Variants in LDHB observed in about 807,000 individuals in gnomAD.
LDHB encodes L-lactate dehydrogenase B chain.
A neutral mutation model predicts 33.4 loss-of-function variants in LDHB; 18 were observed. That is an observed-to-expected ratio of 0.54 (90% CI 0.37 to 0.80). The LOEUF is 0.80. Ranked by LOEUF, LDHB falls within the 30% of genes least tolerant of loss-of-function variation. The pLI is 0.00. For synonymous variants in LDHB, 121 were observed against 140.6 expected (o/e 0.86, Z 0.98); for missense variants, 345 against 407.9 (o/e 0.85, Z 1.33).
Position 21,635,555 on chromosome 12 carries a change from A to AG in LDHB, c.991dup (p.Leu331ProfsTer10). 6.2e-7 allele frequency: 1 copy of AG among 1,611,952 alleles called. No homozygotes were observed. Among genetic ancestry groups the AG allele is most frequent in the South Asian group, 1.1e-5 (1 of 90,994 alleles). On this transcript the variant is annotated frameshift_variant, in exon 8 of 8. Coordinates refer to ENST00000350669, the MANE Select transcript of LDHB (RefSeq NM_002300.8). LOFTEE classifies it high-confidence loss of function. The stretch of plus-strand genomic sequence containing the variant: ...AGAGCTCACTAGTCACAGGTCTTTT[A>AG]GGTCCTTCTGGATGTCCCACAGGGT...
intron 2 of LDHB, among the ~76,000 whole-genome samples, chr12:21,649,356 C>T (rs942926027): frequency 6.6e-5 from 10 of 152,202 alleles, no homozygotes; most frequent in African/African-American, 9.7e-5. Context: ...TAGCTGCATC[C>T]GCAGCACTGA....
chr12:21,656,118 T>C (rs4762716), intron 1 of LDHB, among the ~76,000 whole-genome samples: 143,916 of 152,296 alleles, frequency 0.94, 68,503 homozygotes, highest in East Asian at 1. Context: ...AAGCAATAAG[T>C]CTAGTCTATT....
At chr12:21,647,780 T>G (rs1376950552) in intron 2 of LDHB, among the ~76,000 whole-genome samples, 4 of 16,434 alleles carry the variant, frequency 2.4e-4, no homozygotes, top group Non-Finnish European at 9.3e-4. Context: ...CACTGCAATC[T>G]CCACCTCCCG....
chr12:21,648,002 A>T (rs967290145), intron 2 of LDHB, among the ~76,000 whole-genome samples: 4 of 147,552 alleles, frequency 2.7e-5, no homozygotes, highest in Admixed American at 6.9e-5. Flanking sequence ...ATAATTTTTT[A>T]AATTTTCTCA....
chr12:21,656,937 T>C (rs1629683), intron 1 of LDHB: 143,275 of 152,122 alleles, frequency 0.94, 68,039 homozygotes, highest in East Asian at 1. Flanking sequence ...TTTTAAAAAT[T>C]CAGGTTTTGC....
chr12:21,639,135 A>G (rs1461909229), intron 5 of LDHB, among the ~76,000 whole-genome samples: 1 of 151,922 alleles, frequency 6.6e-6, no homozygotes. Flanking sequence ...AGCTATTTAA[A>G]GCCAAATAAG....
chr12:21,644,750 G>C (rs907806698), intron 3 of LDHB, among the ~76,000 whole-genome samples: 2 of 152,060 alleles, frequency 1.3e-5, no homozygotes, highest in Non-Finnish European at 2.9e-5. Flanking sequence ...TTTGATGATT[G>C]GTAATACTTT....
At chr12:21,645,690 C>T (rs548700115) in intron 3 of LDHB, among the ~76,000 whole-genome samples, 14 of 152,286 alleles carry the variant, frequency 9.2e-5, no homozygotes, top group Non-Finnish European at 1.8e-4. Flanking sequence ...TGCTGACCTT[C>T]TCTCCACTAT....
At chr12:21,648,064 T>C (rs1938577996) in intron 2 of LDHB, among the ~76,000 whole-genome samples, 1 of 152,184 alleles carries the variant, frequency 6.6e-6, no homozygotes, top group Admixed American at 6.5e-5. Context: ...TTGGTCTACA[T>C]GCATCTAAGC....
chr12:21,639,422 C>T (rs1163418203), intron 5 of LDHB, among the ~76,000 whole-genome samples: 2 of 151,922 alleles, frequency 1.3e-5, no homozygotes, highest in African/African-American at 4.8e-5. Context: ...ATAGCTACTT[C>T]ACCTACTTTG....
intron 2 of LDHB, among the ~76,000 whole-genome samples, chr12:21,650,123 C>T (rs1172039466): frequency 2.1e-5 from 3 of 145,210 alleles, no homozygotes; most frequent in African/African-American, 7.9e-5. Context: ...CACACACACA[C>T]ACACACACAC....
chr12:21,655,516 A>C (rs1226335183), intron 1 of LDHB, among the ~76,000 whole-genome samples: 1 of 152,374 alleles, frequency 6.6e-6, no homozygotes, highest in African/African-American at 2.4e-5. Context: ...CATAGAATGC[A>C]TACTTAATAC....
rs1315267510 is a variant in LDHB, at chr12:21,644,079, C to T, written c.277G>A (p.Val93Ile). The T allele has an allele frequency of 3.1e-6, 5 of 1,613,322 alleles. No individual in the cohort carries two copies. The highest frequency in any genetic ancestry group is 1.3e-5 in the African/African-American group (1 of 74,880). ...DYSVTANSKI[V>I]VVTAGVRQQE... ...TGACGGACTCCTGCAGTTACCACTA[C>T]AATCTTAGAATTGGCAGTCACAGAA... Residue 93 changes from valine to isoleucine, a missense_variant, in exon 4 of 8, where the codon GTA becomes ATA. Physicochemically the swap from Val to Ile is conservative, Grantham distance 29 (BLOSUM62 3). Transcript: ENST00000350669.
intron 2 of LDHB, among the ~76,000 whole-genome samples, chr12:21,648,360 C>T (rs1040833762): frequency 2.0e-5 from 3 of 152,084 alleles, no homozygotes; most frequent in Non-Finnish European, 4.4e-5. Context: ...CAGTATTCAC[C>T]GGATGCAAAA....
intron 2 of LDHB, among the ~76,000 whole-genome samples, chr12:21,649,272 T>C (rs1358941312): frequency 6.6e-6 from 1 of 152,184 alleles, no homozygotes; most frequent in Non-Finnish European, 1.5e-5. Context: ...GAGAATTGCC[T>C]GAGAAGTGCA....
At position 21,637,207 on chromosome 12, in the gene LDHB, A is replaced by G; in HGVS notation, c.714-13T>C. ...GACTTCATAGGCACTTAAAAAAATT[A>G]TAAAAGACATCACTGAAATAAGACT... On this transcript the variant is annotated splice_polypyrimidine_tract_variant and intron_variant, in intron 6 of 7. Transcript: ENST00000350669. 2 of 1,577,130 alleles carry G rather than the reference A, an allele frequency of 1.3e-6. No individual in the cohort carries two copies. The highest frequency in any genetic ancestry group is 1.7e-6 in the Non-Finnish European group (2 of 1,149,554).
chr12:21,649,661 C>G (rs1196783030), intron 2 of LDHB, among the ~76,000 whole-genome samples: 1 of 95,774 alleles, frequency 1.0e-5, no homozygotes, highest in Admixed American at 1.4e-4. Flanking sequence ...TTACTCTACT[C>G]CTGTGACAGA....
intron 4 of LDHB, among the ~76,000 whole-genome samples, chr12:21,643,110 G>C (rs1045195438): frequency 6.6e-6 from 1 of 152,202 alleles, no homozygotes; most frequent in African/African-American, 2.4e-5. Context: ...GTTTGCAGAA[G>C]TAAAAATATG....
chr12:21,656,098 G>A lies in LDHB; in HGVS notation c.-6-1421C>T, dbSNP rs527367927. ...CCAGTCTAGTTTTTAATTCTAATCTGCAATGGACTAAGCAATAAGTCTAGT... is the reference window on the plus strand; with the variant it reads ...CCAGTCTAGTTTTTAATTCTAATCTACAATGGACTAAGCAATAAGTCTAGT... On this transcript the variant is annotated intron_variant, in intron 1 of 7. Transcript: ENST00000350669. Among the ~76,000 whole-genome samples the A allele has an allele frequency of 3.3e-5, 5 of 152,240 alleles. No homozygotes were observed. The South Asian group carries it at 1.0e-3, about 32-fold the overall frequency.
Sources: allele counts gnomAD v4.1 joint callset (sites outside exome capture counted in the v4.1 genomes callset), GRCh38; gene constraint gnomAD v4.1.1; transcripts MANE v1.5; gene names NCBI Gene and HGNC (gene_info 2026-07-23, HGNC 2026-07-21).